Variants in IL1RAPL1 observed in about 807,000 individuals in gnomAD.
The protein encoded by IL1RAPL1 is interleukin 1 receptor accessory protein like 1.
IL1RAPL1 carries 3 observed loss-of-function variants against 48.4 expected under a neutral mutation model. The ratio of observed to expected loss-of-function variants is 0.06; its 90% CI spans 0.03 to 0.16. IL1RAPL1 has a LOEUF of 0.16. Among genes scored for constraint, IL1RAPL1 ranks in the 10% least tolerant of loss-of-function variants. The pLI is 1.00. For missense variants in IL1RAPL1, 349 were observed against 530.6 expected (o/e 0.66, Z 3.36); for synonymous variants, 185 against 187.7 (o/e 0.99, Z 0.12).
chrX:29,950,726 G>A (rs1818207061), intron 9 of IL1RAPL1, among the ~76,000 whole-genome samples: 2 of 105,824 alleles, frequency 1.9e-5, no homozygotes, highest in African/African-American at 7.0e-5. Flanking sequence ...ACCCAGGCTG[G>A]AGTGCAGTGG....
chrX:28,609,970 A>G (rs748021013), intron 1 of IL1RAPL1, among the ~76,000 whole-genome samples: 21 of 111,740 alleles, frequency 1.9e-4, no homozygotes, highest in African/African-American at 6.8e-4. Context: ...AGCCTTGCAT[A>G]CAAGTCTTGT....
intron 1 of IL1RAPL1, among the ~76,000 whole-genome samples, chrX:28,685,143 G>A (rs1297818307): frequency 8.9e-6 from 1 of 112,173 alleles, no homozygotes; most frequent in Non-Finnish European, 1.9e-5. Context: ...ACTGTAACTA[G>A]TTAACAAAAA....
At chrX:28,818,520 A>G (rs1936894869) in intron 2 of IL1RAPL1, among the ~76,000 whole-genome samples, 2 of 110,383 alleles carry the variant, frequency 1.8e-5, no homozygotes, top group East Asian at 2.8e-4. Flanking sequence ...ATTTATATAT[A>G]TACATTATAT....
chrX:28,944,455 C>T (rs978302089), intron 2 of IL1RAPL1, among the ~76,000 whole-genome samples: 7 of 110,902 alleles, frequency 6.3e-5, no homozygotes, highest in Non-Finnish European at 1.3e-4. Flanking sequence ...TCACAATACA[C>T]GTTTCCTGGC....
At chrX:29,814,641 A>C (rs992107535) in intron 6 of IL1RAPL1, among the ~76,000 whole-genome samples, 11 of 111,840 alleles carry the variant, frequency 9.8e-5, no homozygotes, top group African/African-American at 3.3e-4. Flanking sequence ...ACTTAGCCAA[A>C]AATTCTTTGC....
intron 6 of IL1RAPL1, among the ~76,000 whole-genome samples, chrX:29,911,665 A>G (rs139696745): frequency 0.023 from 2,549 of 112,162 alleles, 77 homozygotes; most frequent in African/African-American, 0.078. Flanking sequence ...AGTGATGTAA[A>G]TGAGTTCTTT....
rs1478363618 is a variant in IL1RAPL1, at chrX:29,228,177, TGCACACACACAC to T, written c.83-54760_83-54749del. Among the ~76,000 whole-genome samples the T allele has an allele frequency of 1.4e-4, 6 of 43,720 alleles. No individual in the cohort carries two copies. The South Asian group carries it at 8.4e-3, about 61-fold the overall frequency. The allele number at this position is 43,720 out of a possible 115,157, so 38.0% of individuals were successfully genotyped here. A position where few individuals can be genotyped will look rare whatever the true frequency, so the allele number is the denominator to read the frequency against. On this transcript the variant is annotated intron_variant, in intron 2 of 10. Transcript: ENST00000378993. Reference sequence around the variant, plus strand: ...TTATAACCATCTCCGGACACACGCGTGCACACACACACACACACACACACACACACACACACA... The same window carrying T: ...TTATAACCATCTCCGGACACACGCGTACACACACACACACACACACACACA...
At chrX:29,593,921 G>A (rs776512872) in intron 5 of IL1RAPL1, among the ~76,000 whole-genome samples, 1 of 111,963 alleles carries the variant, frequency 8.9e-6, no homozygotes, top group African/African-American at 3.2e-5. Flanking sequence ...TGAATCCAAA[G>A]CAATGAGAGA....
Position 29,633,468 on chromosome X carries a change from T to TATACAC in IL1RAPL1, c.704-34961_704-34960insTACACA, listed in dbSNP as rs762146549. Among the ~76,000 whole-genome samples the TATACAC allele has an allele frequency of 1.8e-3, 175 of 97,757 alleles. 1 individual carries two copies. The highest frequency in any genetic ancestry group is 6.2e-3 in the African/African-American group (166 of 26,564). The allele number at this position is 97,757 out of a possible 115,157, so 84.9% of individuals were successfully genotyped here. A position where few individuals can be genotyped will look rare whatever the true frequency, so the allele number is the denominator to read the frequency against. ...TTGTGACAATTTATCGATATATATA[T>TATACAC]ACACACACACACACACACACACACA... On this transcript the variant is annotated intron_variant, in intron 5 of 10. Coordinates refer to ENST00000378993, the MANE Select transcript of IL1RAPL1 (RefSeq NM_014271.4).
At chrX:28,659,545 AGGCGAGCTAGAGACTGGCTAGCT>A (rs1168073353) in intron 1 of IL1RAPL1, 26 of 438,071 alleles carry the variant, frequency 5.9e-5, no homozygotes, top group Non-Finnish European at 8.2e-5. Context: ...CGCTGGCTAG[AGGCGAGCTAGAGACTGGCTAGCT>A]GGCGAGCTAG....
rs143719522 is a variant in IL1RAPL1, at chrX:29,542,295, G to A, written c.704-126135G>A. 4.1e-4 allele frequency among the ~76,000 whole-genome samples: 46 copies of A among 111,565 alleles called. No individual in the cohort carries two copies. The East Asian group carries it at 0.012, about 29-fold the overall frequency. On this transcript the variant is annotated intron_variant, in intron 5 of 10. Coordinates refer to ENST00000378993, the MANE Select transcript of IL1RAPL1 (RefSeq NM_014271.4). ...AGCTTTCATCATCCTGGGAAAGCTC[G>A]TGCTGCTTCATTTCCTTCCACTTCT...
At chrX:28,894,049 A>G (rs1356000151) in intron 2 of IL1RAPL1, among the ~76,000 whole-genome samples, 1 of 110,925 alleles carries the variant, frequency 9.0e-6, no homozygotes, top group African/African-American at 3.3e-5. Context: ...GCAGTGAATG[A>G]CTCCGGCTTC....
chrX:29,076,164 A>G (rs1392017356), intron 2 of IL1RAPL1, among the ~76,000 whole-genome samples: 1 of 111,997 alleles, frequency 8.9e-6, no homozygotes, highest in Non-Finnish European at 1.9e-5. Flanking sequence ...TCAAAAGAAA[A>G]TACTTTGTCT....
intron 1 of IL1RAPL1, among the ~76,000 whole-genome samples, chrX:28,695,512 T>A (rs1935220525): frequency 8.9e-6 from 1 of 112,071 alleles, no homozygotes; most frequent in Admixed American, 9.5e-5. Context: ...GTCTTTACAT[T>A]TTAAACAAAT....
chrX:29,449,790 G>C (rs1390016639), intron 5 of IL1RAPL1, among the ~76,000 whole-genome samples: 1 of 99,098 alleles, frequency 1.0e-5, no homozygotes, highest in Non-Finnish European at 2.1e-5. Flanking sequence ...CAGAGAGAGA[G>C]AGAGAGAGAA....
intron 1 of IL1RAPL1, among the ~76,000 whole-genome samples, chrX:28,748,636 G>A (rs1393885922): frequency 9.0e-6 from 1 of 111,430 alleles, no homozygotes; most frequent in East Asian, 2.8e-4. Context: ...TTTTTCCCTT[G>A]AATAGTATTT....
At chrX:29,167,311 C>T (rs928407159) in intron 2 of IL1RAPL1, among the ~76,000 whole-genome samples, 1 of 109,550 alleles carries the variant, frequency 9.1e-6, no homozygotes, top group Non-Finnish European at 1.9e-5. Context: ...CTTCCCCTTC[C>T]CTTCCCTTCT....
intron 5 of IL1RAPL1, among the ~76,000 whole-genome samples, chrX:29,530,791 T>G (rs1402509670): frequency 9.3e-6 from 1 of 107,538 alleles, no homozygotes; most frequent in Non-Finnish European, 1.9e-5. Flanking sequence ...TGATTGCAGC[T>G]ATAATTATGG....
chrX:28,794,776 A>C (rs1242451168), intron 2 of IL1RAPL1, among the ~76,000 whole-genome samples: 1 of 112,337 alleles, frequency 8.9e-6, no homozygotes, highest in Admixed American at 9.4e-5. Context: ...CAAATAACCA[A>C]AGACACAGTT....
Sources: gnomAD v4.1 joint callset for allele counts (sites outside exome capture counted in the v4.1 genomes callset) on GRCh38, gnomAD v4.1.1 for gene constraint, MANE v1.5 for transcripts, NCBI Gene and HGNC (gene_info 2026-07-23, HGNC 2026-07-21) for gene names.